The following PHTF1 variants were observed in gnomAD, a reference collection of about 807,000 sequenced individuals.
PHTF1 encodes the protein protein PHTF1.
A neutral mutation model predicts 102.4 loss-of-function variants in PHTF1; 88 were observed. That is an observed-to-expected ratio of 0.86 (90% CI 0.72 to 1.03). The LOEUF is 1.03. PHTF1 is among the 50% of genes least tolerant of loss of function. PHTF1 has a pLI of 0.00. For missense variants in PHTF1, 814 were observed against 909.5 expected (o/e 0.89, Z 1.35); for synonymous variants, 289 against 305.2 (o/e 0.95, Z 0.55).
Position 113,713,448 on chromosome 1 carries a change from A to T in PHTF1, c.624-10T>A, listed in dbSNP as rs765126421. 1.5e-5 allele frequency: 21 copies of T among 1,439,212 alleles called. No individual in the cohort carries two copies. The highest frequency in any genetic ancestry group is 2.5e-5 in the South Asian group (2 of 80,338). 89.2% of individuals were successfully genotyped at this position (1,439,212 alleles called of 1,614,324 possible). ...TTTTACTCTTTTAATCCTATTTTTT[A>T]AAAAAGGAAAAGAAGATTAATTTTT... On this transcript the variant is annotated splice_polypyrimidine_tract_variant and intron_variant, in intron 7 of 18. Transcript: ENST00000369604.
intron 13 of PHTF1, 67 bp downstream of exon 13, chr1:113,705,823 C>T (rs1287071393): frequency 7.9e-7 from 1 of 1,260,366 alleles, no homozygotes; most frequent in East Asian, 2.3e-5. Flanking sequence ...ATCAAGAGAA[C>T]AAAAGCAACT....
At chr1:113,737,542 G>T (rs75338279) in intron 5 of PHTF1, among the ~76,000 whole-genome samples, 1 of 152,260 alleles carries the variant, frequency 6.6e-6, no homozygotes, top group African/African-American at 2.4e-5. Flanking sequence ...CAATATTCAG[G>T]CTAAACGTGG....
At chr1:113,727,557 C>T (rs1479664181) in intron 5 of PHTF1, among the ~76,000 whole-genome samples, 1 of 152,194 alleles carries the variant, frequency 6.6e-6, no homozygotes, top group Non-Finnish European at 1.5e-5. Flanking sequence ...ATATTTGGCA[C>T]AGACACAATA....
At position 113,705,224 on chromosome 1, in the gene PHTF1, G is replaced by A. The variant is rs1649939104; in HGVS notation, c.1672-427C>T. Among the ~76,000 whole-genome samples, 15 of 152,298 alleles carry A rather than the reference G, an allele frequency of 9.8e-5. No individual in the cohort carries two copies. The South Asian group carries it at 3.1e-3, about 32-fold the overall frequency. On this transcript the variant is annotated intron_variant, in intron 13 of 18. Transcript: ENST00000369604. ...GGGAGGAAAGACGGGCGGATAACTTGAGCCCTGGAGTTCGAGACAAGACTG... is the reference window on the plus strand; with the variant it reads ...GGGAGGAAAGACGGGCGGATAACTTAAGCCCTGGAGTTCGAGACAAGACTG...
intron 7 of PHTF1, among the ~76,000 whole-genome samples, chr1:113,722,318 A>G (rs1251916470): frequency 6.6e-6 from 1 of 151,884 alleles, no homozygotes; most frequent in African/African-American, 2.4e-5. Flanking sequence ...GGGTGCCTGT[A>G]GTCCCAGCTC....
chr1:113,752,505 A>G (rs1000578603), intron 3 of PHTF1, among the ~76,000 whole-genome samples: 3 of 120,262 alleles, frequency 2.5e-5, no homozygotes, highest in South Asian at 2.6e-4. Context: ...GGTTCACGCC[A>G]TTCTCCTGTC....
chr1:113,703,217 A>G (rs1042301621), intron 15 of PHTF1, among the ~76,000 whole-genome samples: 2 of 152,252 alleles, frequency 1.3e-5, no homozygotes, highest in African/African-American at 4.8e-5. Flanking sequence ...AATCTTGTCA[A>G]TGTGCTAATG....
intron 7 of PHTF1, among the ~76,000 whole-genome samples, chr1:113,716,457 G>A (rs987957612): frequency 1.5e-5 from 2 of 135,474 alleles, no homozygotes; most frequent in African/African-American, 2.8e-5. Context: ...CGATCTTCTT[G>A]TCTCAACCTC....
intron 13 of PHTF1, 44 bp downstream of exon 13, chr1:113,705,846 A>T (rs1357101220): frequency 6.7e-7 from 1 of 1,494,416 alleles, no homozygotes; most frequent in Non-Finnish European, 9.2e-7. Context: ...ATGGAATATC[A>T]TATACAAAAA....
Position 113,753,723 on chromosome 1 carries a change from C to CT in PHTF1, c.102+3975dup, listed in dbSNP as rs879322976. On this transcript the variant is annotated intron_variant, in intron 3 of 18. Transcript: ENST00000369604. ...ACAGGCATCAGCCACCGTGCCCAGCCTTTTTTTTTTTTTTAAAGGCAGGGT... is the reference window on the plus strand; with the variant it reads ...ACAGGCATCAGCCACCGTGCCCAGCCTTTTTTTTTTTTTTTAAAGGCAGGGT... Among the ~76,000 whole-genome samples, 399 of 143,272 alleles carry CT rather than the reference C, an allele frequency of 2.8e-3. 4 individuals are homozygous for CT. In the East Asian group the frequency reaches 0.042, roughly 15 times the overall value. 94.0% of individuals were successfully genotyped at this position (143,272 alleles called of 152,430 possible).
Position 113,738,742 on chromosome 1 carries a change from C to T in PHTF1, c.160G>A (p.Asp54Asn). The T allele has an allele frequency of 1.3e-5, 21 of 1,595,476 alleles. No individual in the cohort carries two copies. Among genetic ancestry groups the T allele is most frequent in the Non-Finnish European group, 1.8e-5 (21 of 1,168,964 alleles). ...TTTTAAGACTAACCTCTGATTAAGT[C>T]AACGTCAATCAAGTCTGGCTTTATG... ...GHIKPDLIDV[D>N]LIRGSTFAKA... Residue 54 changes from aspartate (D) to asparagine (N), a missense_variant, in exon 4 of 19, where the codon GAC becomes AAC. Coordinates refer to ENST00000369604, the MANE Select transcript of PHTF1 (RefSeq NM_001323043.2).
In PHTF1 at chr1:113,700,775, T is replaced by C. The variant is rs375868549; in HGVS notation, c.2046+19A>G. On this transcript the variant is annotated intron_variant, in intron 16 of 18. Transcript: ENST00000369604. ...GCTACCCCTAACCACTAAACCCAAT[T>C]GACAGGACTGATCAATACCTGTTCT... 3.7e-6 allele frequency: 6 copies of C among 1,611,126 alleles called. No homozygotes were observed. Among genetic ancestry groups the C allele is most frequent in the Non-Finnish European group, 5.1e-6 (6 of 1,178,072 alleles).
chr1:113,722,652 C>T (rs1382165586), intron 7 of PHTF1, among the ~76,000 whole-genome samples: 1 of 151,858 alleles, frequency 6.6e-6, no homozygotes, highest in Admixed American at 6.6e-5. Flanking sequence ...GTGGCTCACA[C>T]CTGTAATCCC....
chr1:113,757,612 T>A, intron 3 of PHTF1, 87 bp downstream of exon 3: 1 of 849,762 alleles, frequency 1.2e-6, no homozygotes, highest in Non-Finnish European at 2.0e-6. Flanking sequence ...ATACTGGTAG[T>A]TAAATGCAGA....
intron 7 of PHTF1, among the ~76,000 whole-genome samples, chr1:113,721,096 C>G (rs916718728): frequency 1.3e-5 from 2 of 152,084 alleles, no homozygotes; most frequent in Non-Finnish European, 2.9e-5. Context: ...CAGACTGAGG[C>G]TCTGTCTCAA....
At chr1:113,758,868 C>T in intron 1 of PHTF1, 135 bp from the exon 2 acceptor site, 1 of 1,286,888 alleles carries the variant, frequency 7.8e-7, no homozygotes, top group East Asian at 3.4e-5. Context: ...AGGGAAAACA[C>T]AACAAACAAA....
At chr1:113,753,459 G>A (rs1014889651) in intron 3 of PHTF1, among the ~76,000 whole-genome samples, 40 of 150,590 alleles carry the variant, frequency 2.7e-4, no homozygotes, top group Admixed American at 5.3e-4. Flanking sequence ...ACGGAGTCTC[G>A]CTTTTGTTGC....
intron 3 of PHTF1, among the ~76,000 whole-genome samples, chr1:113,751,547 C>T (rs1658081496): frequency 1.3e-5 from 2 of 152,250 alleles, no homozygotes; most frequent in African/African-American, 4.8e-5. Flanking sequence ...GTTTTTATTG[C>T]TGAATTGTAT....
intron 3 of PHTF1, among the ~76,000 whole-genome samples, chr1:113,741,913 T>A (rs1469281078): frequency 6.6e-6 from 1 of 152,180 alleles, no homozygotes; most frequent in Non-Finnish European, 1.5e-5. Context: ...ACTGATCTTA[T>A]GGGAGATTAC....
Sources: allele counts gnomAD v4.1 joint callset (sites outside exome capture counted in the v4.1 genomes callset), GRCh38; gene constraint gnomAD v4.1.1; transcripts MANE v1.5; gene names NCBI Gene and HGNC (gene_info 2026-07-23, HGNC 2026-07-21).